Variants in MAPK10 observed in about 807,000 individuals in gnomAD.
The protein encoded by MAPK10 is JNK3 alpha protein kinase.
A neutral mutation model predicts 59.3 loss-of-function variants in MAPK10; 25 were observed. That is an observed-to-expected ratio of 0.42 (90% CI 0.31 to 0.59). The LOEUF is 0.59. Ranked by LOEUF, MAPK10 falls within the 20% of genes least tolerant of loss-of-function variation. The pLI, the probability that MAPK10 is intolerant of heterozygous loss-of-function variation, is 0.15. For missense variants in MAPK10, 351 were observed against 568.9 expected (o/e 0.62, Z 3.90); for synonymous variants, 190 against 200.5 (o/e 0.95, Z 0.44).
chr4:86,389,031 T>G (rs1028922789), intron 1 of MAPK10, among the ~76,000 whole-genome samples: 46 of 152,214 alleles, frequency 3.0e-4, no homozygotes, highest in Non-Finnish European at 1.5e-4. Context: ...AAATCTCATG[T>G]CGAATGATAA....
chr4:86,024,633 A>G (rs1749271452), intron 13 of MAPK10: 1 of 152,228 alleles, frequency 6.6e-6, no homozygotes. Context: ...TTAACAAAAC[A>G]GTATTGAGTA....
At chr4:86,190,370 G>A (rs555292324) in intron 3 of MAPK10, among the ~76,000 whole-genome samples, 1 of 152,104 alleles carries the variant, frequency 6.6e-6, no homozygotes, top group Non-Finnish European at 1.5e-5. Context: ...GAATCTGTCT[G>A]GTCCTGGGCT....
At chr4:86,382,557 G>T (rs892432548) in intron 1 of MAPK10, among the ~76,000 whole-genome samples, 1 of 152,158 alleles carries the variant, frequency 6.6e-6, no homozygotes, top group Non-Finnish European at 1.5e-5. Context: ...TCACCTAGAT[G>T]CTAGCCCAGT....
At position 86,359,678 on chromosome 4, in the gene MAPK10, C is replaced by T. The variant is rs1259632655; in HGVS notation, c.-142G>A. 2.0e-6 allele frequency: 2 copies of T among 985,724 alleles called. No individual in the cohort carries two copies. Among genetic ancestry groups the T allele is most frequent in the South Asian group, 4.7e-5 (1 of 21,280 alleles). The allele number at this position is 985,724 out of a possible 1,614,324, so 61.1% of individuals were successfully genotyped here. A position where few individuals can be genotyped will look rare whatever the true frequency, so the allele number is the denominator to read the frequency against. On this transcript the variant is annotated 5_prime_UTR_variant, in exon 1 of 14. Transcript: ENST00000641462. ...CCTACCATTCCGTGCCTGAGAACTACGATCCTGATCCGGCAGTGTTTGCCC... is the reference window on the plus strand; with the variant it reads ...CCTACCATTCCGTGCCTGAGAACTATGATCCTGATCCGGCAGTGTTTGCCC...
chr4:86,524,410 C>T (rs1757322589), intron 1 of MAPK10, among the ~76,000 whole-genome samples: 1 of 152,186 alleles, frequency 6.6e-6, no homozygotes, highest in African/African-American at 2.4e-5. Context: ...TTACCTTCCA[C>T]ATCCAGTCAG....
At chr4:86,591,420 C>T (rs1158905650) in intron 1 of MAPK10, among the ~76,000 whole-genome samples, 1 of 152,084 alleles carries the variant, frequency 6.6e-6, no homozygotes, top group Non-Finnish European at 1.5e-5. Context: ...GTTGCCCAGG[C>T]TGTAGTGCAG....
In MAPK10 at chr4:86,126,406, T is replaced by C. The variant is rs148950802; in HGVS notation, c.237-19054A>G. 6.0e-3 allele frequency among the ~76,000 whole-genome samples: 912 copies of C among 152,212 alleles called. 5 individuals carry two copies. Among genetic ancestry groups the C allele is most frequent in the Middle Eastern group, 0.014 (4 of 294 alleles). ...ATCACATTTTTATCTATCCTCAAAG[T>C]TGTGCTACTTAATGGCTGAAATCCT... On this transcript the variant is annotated intron_variant, in intron 4 of 13. Transcript: ENST00000641462.
intron 1 of MAPK10, among the ~76,000 whole-genome samples, chr4:86,549,830 A>G (rs56353461): frequency 0.31 from 47,847 of 151,920 alleles, 7,781 homozygotes; most frequent in Admixed American, 0.36. Flanking sequence ...GGGTGACAGC[A>G]CAAGGCCCTG....
At chr4:86,272,678 A>G (rs2094468324) in intron 2 of MAPK10, among the ~76,000 whole-genome samples, 1 of 152,022 alleles carries the variant, frequency 6.6e-6, no homozygotes, top group Admixed American at 6.6e-5. Flanking sequence ...TGTCTGTATA[A>G]GAATAACCCA....
intron 10 of MAPK10, chr4:86,065,617 T>C (rs1171826654): frequency 6.6e-6 from 1 of 152,218 alleles, no homozygotes; most frequent in African/African-American, 2.4e-5. Flanking sequence ...ACACATGCCA[T>C]AGTGGTTTGC....
intron 2 of MAPK10, among the ~76,000 whole-genome samples, chr4:86,335,437 G>A (rs1164375368): frequency 6.6e-6 from 1 of 152,132 alleles, no homozygotes; most frequent in Non-Finnish European, 1.5e-5. Context: ...GGTAATAAAA[G>A]ATAACCAGAT....
chr4:86,236,949 T>A lies in MAPK10; in HGVS notation c.-6-42542A>T, dbSNP rs142856271. Among the ~76,000 whole-genome samples, 10 of 152,236 alleles carry A rather than the reference T, an allele frequency of 6.6e-5. No individual in the cohort carries two copies. In the East Asian group the frequency reaches 1.9e-3, roughly 29 times the overall value. On this transcript the variant is annotated intron_variant, in intron 2 of 13. Coordinates refer to ENST00000641462, the MANE Select transcript of MAPK10 (RefSeq NM_138982.4). The stretch of plus-strand genomic sequence containing the variant: ...CAGGTATACATGTGCCATGGTGGTT[T>A]GCTGCACCTGTTGACCCATCCTCTA...
intron 4 of MAPK10, among the ~76,000 whole-genome samples, chr4:86,128,193 C>T (rs2060386244): frequency 6.6e-6 from 1 of 152,052 alleles, no homozygotes; most frequent in African/African-American, 2.4e-5. Context: ...AGCACTTTTG[C>T]TCCCAACTCA....
chr4:86,469,496 T>C (rs1041339029), intron 1 of MAPK10, among the ~76,000 whole-genome samples: 1 of 152,150 alleles, frequency 6.6e-6, no homozygotes, highest in African/African-American at 2.4e-5. Context: ...TTCTGTCTAG[T>C]AGATAATGCA....
chr4:86,279,685 G>T (rs535138223), intron 2 of MAPK10, among the ~76,000 whole-genome samples: 4 of 152,018 alleles, frequency 2.6e-5, no homozygotes, highest in Middle Eastern at 3.4e-3. Context: ...GACATTACTA[G>T]GGGGGGCTCA....
chr4:86,513,766 TGGA>T (rs901387266), intron 1 of MAPK10, among the ~76,000 whole-genome samples: 1 of 152,208 alleles, frequency 6.6e-6, no homozygotes, highest in African/African-American at 2.4e-5. Context: ...GTTAAGTTTT[TGGA>T]GAAGTATGAC....
chr4:86,119,946 A>G (rs149644473), intron 4 of MAPK10: 1 of 152,268 alleles, frequency 6.6e-6, no homozygotes, highest in African/African-American at 2.4e-5. Flanking sequence ...TTGAGATTGT[A>G]TTGCAGCTGA....
intron 2 of MAPK10, among the ~76,000 whole-genome samples, chr4:86,293,361 C>G (rs1430752533): frequency 6.6e-6 from 1 of 152,160 alleles, no homozygotes; most frequent in Non-Finnish European, 1.5e-5. Flanking sequence ...AAGCCTGTAT[C>G]TATTTGATCA....
intron 2 of MAPK10, among the ~76,000 whole-genome samples, chr4:86,261,891 A>G (rs2093997085): frequency 6.6e-6 from 1 of 152,260 alleles, no homozygotes; most frequent in African/African-American, 2.4e-5. Flanking sequence ...TTCACCATGC[A>G]CTGCCGTGAG....
Sources: allele counts gnomAD v4.1 joint callset (sites outside exome capture counted in the v4.1 genomes callset), GRCh38; gene constraint gnomAD v4.1.1; transcripts MANE v1.5; gene names NCBI Gene and HGNC (gene_info 2026-07-23, HGNC 2026-07-21).